TCF4: variants seen among roughly 807,000 people sequenced by gnomAD.
The protein encoded by TCF4 is transcription factor 4, also known as SL3-3 enhancer factor 2.
A neutral mutation model predicts 82.1 loss-of-function variants in TCF4; 3 were observed. The observed-to-expected ratio is 0.04, with a 90% CI of 0.02 to 0.09. TCF4 has a LOEUF of 0.09. Among genes scored for constraint, TCF4 ranks in the 10% least tolerant of loss-of-function variants. The pLI, the probability that TCF4 is intolerant of heterozygous loss-of-function variation, is 1.00. For synonymous variants in TCF4, 276 were observed against 309.6 expected (o/e 0.89, Z 1.14); for missense variants, 518 against 852.7 (o/e 0.61, Z 4.89).
chr18:55,431,540 A>G (rs1306871164), intron 5 of TCF4, among the ~76,000 whole-genome samples: 1 of 152,110 alleles, frequency 6.6e-6, no homozygotes, highest in East Asian at 1.9e-4. Flanking sequence ...TCAGCCTCCA[A>G]AAGTGCTGGG....
At chr18:55,263,871 A>G (rs1480804454) in intron 11 of TCF4, among the ~76,000 whole-genome samples, 2 of 152,096 alleles carry the variant, frequency 1.3e-5, no homozygotes, top group African/African-American at 4.8e-5. Flanking sequence ...TGGAAAAATC[A>G]CATTATCTAA....
chr18:55,332,302 A>G lies in TCF4; in HGVS notation c.549+18057T>C, dbSNP rs545068182. 1.4e-4 allele frequency: 21 copies of G among 146,180 alleles called. No individual in the cohort carries two copies. The East Asian group carries it at 4.3e-3, about 30-fold the overall frequency. 9.1% of individuals were successfully genotyped at this position (146,180 alleles called of 1,614,324 possible). A position where few individuals can be genotyped will look rare whatever the true frequency, so the allele number is the denominator to read the frequency against. On this transcript the variant is annotated intron_variant, in intron 8 of 19. Transcript: ENST00000354452. The stretch of plus-strand genomic sequence containing the variant: ...CCTTTCCAACACATTCCGTTTATCT[A>G]GATTTGAGGCAGTACAGAAAAAAAA...
intron 15 of TCF4, among the ~76,000 whole-genome samples, chr18:55,245,885 C>T (rs1344688930): frequency 6.6e-6 from 1 of 151,158 alleles, no homozygotes; most frequent in Non-Finnish European, 1.5e-5. Context: ...AGATCAGATA[C>T]TTTCTTTTAC....
rs994733396 is a variant in TCF4, at chr18:55,245,607, A to G, written c.1350+8890T>C. Among the ~76,000 whole-genome samples the G allele has an allele frequency of 2.0e-5, 3 of 152,194 alleles. 1 individual carries two copies. Among genetic ancestry groups the G allele is most frequent in the African/African-American group, 7.2e-5 (3 of 41,440 alleles). ...GCTGCAAGGACTGGTATCATCAGGC[A>G]GTTTTCTTACTTCCATTTAGGTGCA... On this transcript the variant is annotated intron_variant, in intron 15 of 19. Transcript: ENST00000354452.
At chr18:55,447,292 G>A (rs989377037) in intron 5 of TCF4, among the ~76,000 whole-genome samples, 11 of 38,312 alleles carry the variant, frequency 2.9e-4, no homozygotes, top group African/African-American at 5.6e-4. Context: ...GGGTGAGACC[G>A]TCTCAAAAAA....
intron 6 of TCF4, among the ~76,000 whole-genome samples, chr18:55,373,579 G>A (rs914742446): frequency 5.3e-5 from 8 of 152,066 alleles, no homozygotes; most frequent in South Asian, 2.1e-4. Context: ...TTGGGAGGCT[G>A]AGGTGGGAAG....
At chr18:55,577,778 G>A (rs974833990) in intron 3 of TCF4, among the ~76,000 whole-genome samples, 1 of 152,060 alleles carries the variant, frequency 6.6e-6, no homozygotes, top group Non-Finnish European at 1.5e-5. Context: ...ACATTCTAAG[G>A]GGTATCCTGT....
intron 6 of TCF4, among the ~76,000 whole-genome samples, chr18:55,370,663 T>TC (rs1293706097): frequency 6.6e-5 from 10 of 151,038 alleles, no homozygotes; most frequent in South Asian, 6.3e-4. Context: ...ATGACAACTC[T>TC]CCCCCCCAAA....
At chr18:55,451,663 C>T (rs1053076916) in intron 5 of TCF4, among the ~76,000 whole-genome samples, 6 of 152,212 alleles carry the variant, frequency 3.9e-5, no homozygotes, top group Admixed American at 2.6e-4. Context: ...GATTCCCTAA[C>T]TATACTGATG....
At chr18:55,436,039 TAAG>T in intron 5 of TCF4, among the ~76,000 whole-genome samples, 1 of 152,306 alleles carries the variant, frequency 6.6e-6, no homozygotes, top group East Asian at 1.9e-4. Context: ...GAAAGAATCA[TAAG>T]AAGCACCTAC....
At chr18:55,267,685 C>T (rs1487352736) in intron 11 of TCF4, 6 of 152,006 alleles carry the variant, frequency 3.9e-5, no homozygotes, top group Non-Finnish European at 8.8e-5. Context: ...GCTGAATTAC[C>T]ATGTCTACCT....
chr18:55,407,819 T>C (rs570283844), intron 5 of TCF4, among the ~76,000 whole-genome samples: 1 of 152,328 alleles, frequency 6.6e-6, no homozygotes, highest in East Asian at 1.9e-4. Flanking sequence ...TATCAGCCAT[T>C]TGACTTCCAA....
chr18:55,234,839 T>C (rs1033637393), intron 15 of TCF4, among the ~76,000 whole-genome samples, 156 bp from the exon 16 acceptor site: 8 of 152,134 alleles, frequency 5.3e-5, no homozygotes, highest in Non-Finnish European at 8.8e-5. Flanking sequence ...CATGCACCTA[T>C]AGTTCCCGGC....
At chr18:55,530,649 G>A (rs1257512082) in intron 3 of TCF4, among the ~76,000 whole-genome samples, 2 of 151,492 alleles carry the variant, frequency 1.3e-5, no homozygotes, top group Non-Finnish European at 2.9e-5. Flanking sequence ...ATTAGATATG[G>A]ATAAAAATAT....
At chr18:55,454,465 A>G (rs2095694685) in intron 5 of TCF4, among the ~76,000 whole-genome samples, 1 of 152,200 alleles carries the variant, frequency 6.6e-6, no homozygotes, top group Non-Finnish European at 1.5e-5. Flanking sequence ...TTGAGGTCCT[A>G]CAACCTCTAT....
At chr18:55,236,277 G>T (rs73487018) in intron 15 of TCF4, among the ~76,000 whole-genome samples, 12,847 of 152,082 alleles carry the variant, frequency 0.084, 690 homozygotes, top group African/African-American at 0.14. Flanking sequence ...TGCCTGTGTC[G>T]CAACACAGAA....
chr18:55,263,582 G>A (rs2058495932), intron 11 of TCF4, among the ~76,000 whole-genome samples: 1 of 151,904 alleles, frequency 6.6e-6, no homozygotes, highest in African/African-American at 2.4e-5. Context: ...ACTCTAGCCT[G>A]GGCAACAGGA....
intron 6 of TCF4, among the ~76,000 whole-genome samples, chr18:55,389,572 C>T (rs1471206283): frequency 1.3e-5 from 2 of 152,138 alleles, no homozygotes; most frequent in Non-Finnish European, 2.9e-5. Context: ...ATTTCAGGTT[C>T]TTATAAAGAC....
intron 8 of TCF4, chr18:55,302,426 C>T (rs1202677796): frequency 2.6e-6 from 4 of 1,536,286 alleles, no homozygotes; most frequent in Non-Finnish European, 2.6e-6. Context: ...CTCTGCTTTC[C>T]CTTCGTGGTC....
Sources: allele counts gnomAD v4.1 joint callset (sites outside exome capture counted in the v4.1 genomes callset), GRCh38; gene constraint gnomAD v4.1.1; transcripts MANE v1.5; gene names NCBI Gene and HGNC (gene_info 2026-07-23, HGNC 2026-07-21).